UBE2E2: variants seen among roughly 807,000 people sequenced by gnomAD.
UBE2E2 encodes ubiquitin-conjugating enzyme E2 E2.
In UBE2E2, 6 loss-of-function variants were observed where a neutral mutation model predicts 24.7. That is an observed-to-expected ratio of 0.24 (90% CI 0.13 to 0.48). The LOEUF (loss-of-function observed/expected upper bound fraction) is 0.48. Ranked by LOEUF, UBE2E2 falls within the 20% of genes least tolerant of loss-of-function variation. The probability of loss-of-function intolerance (pLI) is 0.99; values close to 1 mark genes in which losing one functional copy is unlikely to be tolerated. For synonymous variants in UBE2E2, 104 were observed against 83.6 expected (o/e 1.24, Z -1.33); for missense variants, 169 against 245.0 (o/e 0.69, Z 2.07).
intron 3 of UBE2E2, among the ~76,000 whole-genome samples, chr3:23,483,005 A>G (rs889568245): frequency 9.2e-5 from 14 of 152,228 alleles, no homozygotes; most frequent in African/African-American, 3.4e-4. Context: ...AGACTATAAT[A>G]ACTCTAATCT....
chr3:23,491,176 T>C (rs1273801821), intron 3 of UBE2E2, among the ~76,000 whole-genome samples: 2 of 152,198 alleles, frequency 1.3e-5, no homozygotes, highest in African/African-American at 4.8e-5. Context: ...AAAAAAAAAT[T>C]AATGAATACA....
rs1697392194 is a variant in UBE2E2 at position 23,407,634 on chromosome 3, TGTGCATGC to T, written c.228-91966_228-91959del. The stretch of plus-strand genomic sequence containing the variant: ...AGGAGTGCATGTGTGTGTGTTTGTG[TGTGCATGC>T]GTGCATGTGTGTGTGTGTGTGTGTG... On this transcript the variant is annotated intron_variant, in intron 3 of 5. Coordinates refer to ENST00000396703, the MANE Select transcript of UBE2E2 (RefSeq NM_152653.4). The surrounding 1 kb of genome is among the most constrained non-coding windows in gnomAD (Gnocchi z 4.0). Among the ~76,000 whole-genome samples the T allele has an allele frequency of 7.5e-6, 1 of 132,654 alleles. No individual in the cohort carries two copies. The highest frequency in any genetic ancestry group is 1.5e-5 in the Non-Finnish European group (1 of 65,548). The allele number at this position is 132,654 out of a possible 152,430, so 87.0% of individuals were successfully genotyped here.
intron 3 of UBE2E2, among the ~76,000 whole-genome samples, chr3:23,291,045 G>A (rs1257254510): frequency 6.8e-6 from 1 of 146,414 alleles, no homozygotes; most frequent in Non-Finnish European, 1.5e-5. Context: ...CTCCAGCCTG[G>A]GAGACAGAGC....
intron 3 of UBE2E2, among the ~76,000 whole-genome samples, chr3:23,278,367 C>T (rs1250816913): frequency 1.3e-5 from 2 of 151,978 alleles, no homozygotes; most frequent in African/African-American, 4.8e-5. Flanking sequence ...CAATTGCTGC[C>T]ATTTTATGGT....
At chr3:23,297,876 G>T (rs939541578) in intron 3 of UBE2E2, among the ~76,000 whole-genome samples, 1 of 151,968 alleles carries the variant, frequency 6.6e-6, no homozygotes, top group Non-Finnish European at 1.5e-5. Flanking sequence ...ATTACCTTGG[G>T]CAGTATGGCC....
intron 5 of UBE2E2, among the ~76,000 whole-genome samples, chr3:23,576,576 G>A (rs1453938375): frequency 6.6e-6 from 1 of 152,148 alleles, no homozygotes; most frequent in Non-Finnish European, 1.5e-5. Flanking sequence ...TATAATGCTA[G>A]TGCTGCAAAG....
intron 5 of UBE2E2, among the ~76,000 whole-genome samples, chr3:23,554,645 C>G (rs1695731036): frequency 6.6e-6 from 1 of 152,156 alleles, no homozygotes; most frequent in South Asian, 2.1e-4. Flanking sequence ...TGGGTAAAAG[C>G]TCCTTGACAT....
chr3:23,269,461 A>G (rs946449373), intron 3 of UBE2E2, among the ~76,000 whole-genome samples: 3 of 152,234 alleles, frequency 2.0e-5, no homozygotes, highest in African/African-American at 7.2e-5. Context: ...AAAGAAATGT[A>G]GAGGGCACTC....
At chr3:23,502,686 C>T (rs779410317) in intron 4 of UBE2E2, among the ~76,000 whole-genome samples, 2 of 152,116 alleles carry the variant, frequency 1.3e-5, no homozygotes, top group Non-Finnish European at 2.9e-5. Context: ...ATAAGGCGAG[C>T]AAAACAATTA....
At chr3:23,587,846 A>G (rs1383266855) in intron 5 of UBE2E2, among the ~76,000 whole-genome samples, 1 of 152,238 alleles carries the variant, frequency 6.6e-6, no homozygotes, top group African/African-American at 2.4e-5. Context: ...GAAGAATCAC[A>G]AAGAGTAGGC....
At chr3:23,219,403 GTTGTGGTTT>G (rs1463268190) in intron 3 of UBE2E2, among the ~76,000 whole-genome samples, 1 of 152,130 alleles carries the variant, frequency 6.6e-6, no homozygotes, top group Non-Finnish European at 1.5e-5. Context: ...CAAATATTTG[GTTGTGGTTT>G]GTAGTTAATC....
At chr3:23,305,296 C>G (rs1287616973) in intron 3 of UBE2E2, among the ~76,000 whole-genome samples, 1 of 152,230 alleles carries the variant, frequency 6.6e-6, no homozygotes, top group Non-Finnish European at 1.5e-5. Flanking sequence ...TATACAAATG[C>G]TTTCCTTCGA....
intron 3 of UBE2E2, among the ~76,000 whole-genome samples, chr3:23,377,382 T>C (rs181214104): frequency 6.6e-6 from 1 of 152,372 alleles, no homozygotes; most frequent in African/African-American, 2.4e-5. Flanking sequence ...TTAATGATAG[T>C]GTTTATGGTA....
At chr3:23,207,962 A>C (rs1342256530) in intron 1 of UBE2E2, among the ~76,000 whole-genome samples, 1 of 152,136 alleles carries the variant, frequency 6.6e-6, no homozygotes, top group South Asian at 2.1e-4. Flanking sequence ...ACAGGGAAGC[A>C]TCATACCCAT....
At chr3:23,550,832 G>C (rs1004821497) in intron 5 of UBE2E2, among the ~76,000 whole-genome samples, 7 of 152,162 alleles carry the variant, frequency 4.6e-5, no homozygotes, top group Admixed American at 4.6e-4. Flanking sequence ...AGTTTGGGAA[G>C]ATCAAGATGG....
intron 5 of UBE2E2, among the ~76,000 whole-genome samples, chr3:23,542,042 G>T (rs1442913793): frequency 6.6e-6 from 1 of 152,122 alleles, no homozygotes; most frequent in Non-Finnish European, 1.5e-5. Context: ...ATCTAGCTTT[G>T]GATGCCAGCA....
intron 5 of UBE2E2, among the ~76,000 whole-genome samples, chr3:23,552,324 G>A (rs1559419256): frequency 6.6e-6 from 1 of 152,164 alleles, no homozygotes. Flanking sequence ...CTGCACTCCA[G>A]CCTAAGCAAC....
intron 3 of UBE2E2, among the ~76,000 whole-genome samples, chr3:23,484,721 A>G (rs969044251): frequency 6.6e-6 from 1 of 152,202 alleles, no homozygotes; most frequent in Non-Finnish European, 1.5e-5. Context: ...AGGCCTCACA[A>G]TCATGGCGCG....
intron 3 of UBE2E2, chr3:23,270,820 C>T (rs978150189): frequency 2.3e-6 from 1 of 434,384 alleles, no homozygotes; most frequent in South Asian, 1.7e-5. Context: ...TTAACACACT[C>T]TCTTAGGTGT....
Sources: allele counts gnomAD v4.1 joint callset (sites outside exome capture counted in the v4.1 genomes callset), GRCh38; gene constraint gnomAD v4.1.1; non-coding constraint Gnocchi (gnomAD v3.1); transcripts MANE v1.5; gene names NCBI Gene and HGNC (gene_info 2026-07-23, HGNC 2026-07-21).